LHFPL3: variants seen among roughly 807,000 people sequenced by gnomAD.
LHFPL3 encodes the protein LHFPL tetraspan subfamily member 3 protein.
Under a neutral mutation model 19.3 loss-of-function variants are expected in LHFPL3, and 5 were observed. The observed-to-expected ratio is 0.26, with a 90% CI of 0.14 to 0.54. The LOEUF is 0.54. Ranked by LOEUF, LHFPL3 falls within the 20% of genes least tolerant of loss-of-function variation. The pLI is 0.94. For missense variants in LHFPL3, 249 were observed against 307.4 expected (o/e 0.81, Z 1.42); for synonymous variants, 133 against 126.2 (o/e 1.05, Z -0.36).
chr7:104,637,695 G>A (rs1416457930), intron 1 of LHFPL3, among the ~76,000 whole-genome samples: 1 of 152,082 alleles, frequency 6.6e-6, no homozygotes, highest in Non-Finnish European at 1.5e-5. Context: ...GGTTGTAGAT[G>A]TCCAGCCTTA....
chr7:104,704,235 G>A (rs1364073705), intron 1 of LHFPL3, among the ~76,000 whole-genome samples: 1 of 152,060 alleles, frequency 6.6e-6, no homozygotes, highest in East Asian at 1.9e-4. Context: ...TTTTTTCATA[G>A]CACCAGTTGT....
At chr7:104,614,288 G>A (rs567678539) in intron 1 of LHFPL3, among the ~76,000 whole-genome samples, 1 of 152,216 alleles carries the variant, frequency 6.6e-6, no homozygotes, top group East Asian at 1.9e-4. Flanking sequence ...AATTATTTGA[G>A]TTTCTAAGAA....
At chr7:104,747,211 A>G (rs1235881140) in intron 2 of LHFPL3, among the ~76,000 whole-genome samples, 2 of 152,240 alleles carry the variant, frequency 1.3e-5, no homozygotes, top group Non-Finnish European at 2.9e-5. Flanking sequence ...AAGTTCGATG[A>G]CAGTCCCCAA....
chr7:104,802,491 CAAAAAAAAAAA>C (rs920866759), intron 2 of LHFPL3, among the ~76,000 whole-genome samples: 2 of 65,502 alleles, frequency 3.1e-5, no homozygotes, highest in Admixed American at 1.8e-4. Flanking sequence ...AACCCTATCT[CAAAAAAAAAAA>C]AAAAAAAAAA....
chr7:104,575,559 TAAAAAAAAAAAAAAAA>T (rs58118006), intron 1 of LHFPL3, among the ~76,000 whole-genome samples: 1 of 36,148 alleles, frequency 2.8e-5, no homozygotes, highest in Non-Finnish European at 6.1e-5. Context: ...CAAAGAGATC[TAAAAAAAAAAAAAAAA>T]AAAAAAAAAA....
Position 104,559,138 on chromosome 7 carries a change from G to C in LHFPL3, c.446-177537G>C, listed in dbSNP as rs781534329. The stretch of plus-strand genomic sequence containing the variant: ...TGATGCCTCCAGCTTTGTTCTTTTG[G>C]CTTAGGATTGACTTGGCGATGCGGG... On this transcript the variant is annotated intron_variant, in intron 1 of 2. Coordinates refer to ENST00000424859, the MANE Select transcript of LHFPL3 (RefSeq NM_199000.3). Among the ~76,000 whole-genome samples the C allele has an allele frequency of 9.9e-3, 1,416 of 143,078 alleles. 15 individuals carry two copies. Among genetic ancestry groups the C allele is most frequent in the Middle Eastern group, 0.055 (15 of 272 alleles). The allele number at this position is 143,078 out of a possible 152,430, so 93.9% of individuals were successfully genotyped here.
chr7:104,562,376 T>C (rs1452391871), intron 1 of LHFPL3, among the ~76,000 whole-genome samples: 2 of 152,218 alleles, frequency 1.3e-5, no homozygotes, highest in East Asian at 1.9e-4. Context: ...GAGGCTTTGC[T>C]CATTTCTTTT....
At chr7:104,668,131 G>T in intron 1 of LHFPL3, 1 of 1,614,008 alleles carries the variant, frequency 6.2e-7, no homozygotes, top group Non-Finnish European at 8.5e-7. Flanking sequence ...CGTTTACCAC[G>T]TGAACCCAGC....
At chr7:104,616,659 C>A (rs1791348431) in intron 1 of LHFPL3, among the ~76,000 whole-genome samples, 2 of 152,132 alleles carry the variant, frequency 1.3e-5, no homozygotes, top group African/African-American at 4.8e-5. Context: ...AACTAAAGAG[C>A]TTCTGCACAG....
intron 1 of LHFPL3, among the ~76,000 whole-genome samples, chr7:104,665,796 T>G (rs1792323018): frequency 6.6e-6 from 1 of 152,234 alleles, no homozygotes; most frequent in South Asian, 2.1e-4. Flanking sequence ...TGTGTCTGAC[T>G]TTTCCCAGTG....
intron 1 of LHFPL3, chr7:104,470,024 G>A (rs138391997): frequency 6.6e-6 from 3 of 456,056 alleles, no homozygotes; most frequent in East Asian, 6.9e-5. Context: ...TAATGATGCT[G>A]TGTGAACTTC....
At position 104,515,112 on chromosome 7, in the gene LHFPL3, T is replaced by G. The variant is rs1422247342; in HGVS notation, c.445+185888T>G. On this transcript the variant is annotated intron_variant, in intron 1 of 2. Coordinates refer to ENST00000424859, the MANE Select transcript of LHFPL3 (RefSeq NM_199000.3). ...CCTGCTGGCATCCTATGAAGTGAAA[T>G]TGTGAGATGGTGCTATGTGAGATAT... Among the ~76,000 whole-genome samples, 4 of 152,192 alleles carry G rather than the reference T, an allele frequency of 2.6e-5. No individual in the cohort carries two copies. The East Asian group carries it at 7.7e-4, about 29-fold the overall frequency.
intron 2 of LHFPL3, among the ~76,000 whole-genome samples, chr7:104,789,831 C>T (rs1334785291): frequency 2.0e-5 from 3 of 152,132 alleles, no homozygotes; most frequent in African/African-American, 7.2e-5. Flanking sequence ...GAATTCCTCC[C>T]ACACACATCT....
At position 104,875,974 on chromosome 7, in the gene LHFPL3, A is replaced by C. The variant is rs190535806; in HGVS notation, c.683-30213A>C. ...CTTGGAGCCCCAATGCCTGGCACAC[A>C]GCATAAATTCAATACTGAACAGAGA... On this transcript the variant is annotated intron_variant, in intron 2 of 2. Transcript: ENST00000424859. Among the ~76,000 whole-genome samples, 5 of 152,314 alleles carry C rather than the reference A, an allele frequency of 3.3e-5. No individual in the cohort carries two copies. The East Asian group carries it at 9.6e-4, about 29-fold the overall frequency.
intron 1 of LHFPL3, among the ~76,000 whole-genome samples, chr7:104,449,900 C>T (rs1792400302): frequency 1.3e-5 from 2 of 152,106 alleles, no homozygotes; most frequent in South Asian, 2.1e-4. Context: ...TAAAAGGTGT[C>T]GGCCTGGATT....
chr7:104,821,441 G>A (rs1460137575), intron 2 of LHFPL3, among the ~76,000 whole-genome samples: 1 of 152,232 alleles, frequency 6.6e-6, no homozygotes, highest in Non-Finnish European at 1.5e-5. Context: ...GTCAAGTGAA[G>A]GCTGAGGTAG....
intron 1 of LHFPL3, among the ~76,000 whole-genome samples, chr7:104,403,759 C>CT (rs1791363487): frequency 7.4e-6 from 1 of 134,462 alleles, no homozygotes; most frequent in Admixed American, 8.1e-5. Flanking sequence ...CTCTCTCTCT[C>CT]ATCATTAGGA....
chr7:104,590,941 C>CT (rs570080132), intron 1 of LHFPL3, among the ~76,000 whole-genome samples: 138 of 151,904 alleles, frequency 9.1e-4, no homozygotes, highest in Admixed American at 1.5e-3. Context: ...GCAACACCTG[C>CT]TTTTTTTTGC....
At chr7:104,596,919 T>C (rs1429779901) in intron 1 of LHFPL3, among the ~76,000 whole-genome samples, 1 of 152,216 alleles carries the variant, frequency 6.6e-6, no homozygotes, top group African/African-American at 2.4e-5. Context: ...TCTTTGTTCA[T>C]CCATTTTATC....
Sources: allele counts gnomAD v4.1 joint callset (sites outside exome capture counted in the v4.1 genomes callset), GRCh38; gene constraint gnomAD v4.1.1; transcripts MANE v1.5; gene names NCBI Gene and HGNC (gene_info 2026-07-23, HGNC 2026-07-21).